The following PIK3CB variants were observed in gnomAD, a reference collection of about 807,000 sequenced individuals.
PIK3CB encodes the protein phosphatidylinositol-4,5-bisphosphate 3-kinase catalytic subunit beta, also known as phosphatidylinositol 4,5-bisphosphate 3-kinase catalytic subunit beta isoform.
Under a neutral mutation model 136.8 loss-of-function variants are expected in PIK3CB, and 39 were observed. That is an observed-to-expected ratio of 0.29 (90% CI 0.22 to 0.37). The LOEUF (loss-of-function observed/expected upper bound fraction) is 0.37, where lower values mean the gene tolerates loss of function less well. Ranked by LOEUF, PIK3CB falls within the 10% of genes least tolerant of loss-of-function variation. PIK3CB has a pLI of 1.00. For missense variants in PIK3CB, 868 were observed against 1,275.4 expected (o/e 0.68, Z 4.87); for synonymous variants, 428 against 436.6 (o/e 0.98, Z 0.25).
At chr3:138,801,885 TAAAG>T (rs1259498850) in intron 1 of PIK3CB, among the ~76,000 whole-genome samples, 1 of 111,230 alleles carries the variant, frequency 9.0e-6, no homozygotes, top group Non-Finnish European at 2.0e-5. Context: ...AAAAAAAAGA[TAAAG>T]AAAAAAATTA....
chr3:138,718,751 C>A (rs1399743744), intron 8 of PIK3CB, among the ~76,000 whole-genome samples: 8 of 152,300 alleles, frequency 5.3e-5, no homozygotes, highest in African/African-American at 1.9e-4. Context: ...CAGCTTCAAT[C>A]ATCTACATAC....
rs6439816 is a variant in PIK3CB, at chr3:138,711,226, A to G, written c.1399+982T>C. 3.2e-3 allele frequency among the ~76,000 whole-genome samples: 92 copies of G among 28,542 alleles called. No homozygotes were observed. The East Asian group carries it at 0.4, about 124-fold the overall frequency. The allele number at this position is 28,542 out of a possible 152,430, so 18.7% of individuals were successfully genotyped here. On this transcript the variant is annotated intron_variant, in intron 10 of 23. Transcript: ENST00000674063. The stretch of plus-strand genomic sequence containing the variant: ...AGGAGAATTTCTCAAAAAAAAAAAG[A>G]AAAAAAAAACCTACAAAAAATGCTG...
intron 1 of PIK3CB, among the ~76,000 whole-genome samples, chr3:138,832,567 C>T (rs1266977593): frequency 6.6e-6 from 1 of 151,922 alleles, no homozygotes; most frequent in African/African-American, 2.4e-5. Flanking sequence ...GTGGCTTCCT[C>T]CTGTAATCCC....
At chr3:138,703,496 T>C (rs2044297228) in intron 12 of PIK3CB, among the ~76,000 whole-genome samples, 1 of 150,802 alleles carries the variant, frequency 6.6e-6, no homozygotes. Flanking sequence ...CTCAACAAAG[T>C]CAAACTAGAA....
intron 18 of PIK3CB, 136 bp from the exon 19 acceptor site, chr3:138,682,181 A>C (rs2043796033): frequency 3.5e-6 from 2 of 570,714 alleles, no homozygotes; most frequent in Non-Finnish European, 6.2e-6. Context: ...TTTATAACAA[A>C]TATTACACTC....
At chr3:138,772,054 T>G (rs1194038586) in intron 2 of PIK3CB, among the ~76,000 whole-genome samples, 2 of 149,966 alleles carry the variant, frequency 1.3e-5, no homozygotes, top group African/African-American at 4.9e-5. Flanking sequence ...TATATAAAAA[T>G]GAAAAATTTA....
rs768388042 is a variant in PIK3CB, at chr3:138,653,579, C to G, written c.*1810G>C. 16 of 185,048 alleles carry G rather than the reference C, an allele frequency of 8.6e-5. No individual in the cohort carries two copies. Among genetic ancestry groups the G allele is most frequent in the Non-Finnish European group, 1.5e-4 (13 of 87,242 alleles). 11.5% of individuals were successfully genotyped at this position (185,048 alleles called of 1,614,324 possible). On this transcript the variant is annotated 3_prime_UTR_variant, in exon 24 of 24. Coordinates refer to ENST00000674063, the MANE Select transcript of PIK3CB (RefSeq NM_006219.3). Reference sequence around the variant, plus strand: ...TGGTGGGTGGCTACTAGACAAAGATCTCTGAACAAACCTGTCCTTCCATAG... The same window carrying G: ...TGGTGGGTGGCTACTAGACAAAGATGTCTGAACAAACCTGTCCTTCCATAG...
intron 21 of PIK3CB, among the ~76,000 whole-genome samples, chr3:138,659,769 A>G (rs374838020): frequency 6.6e-6 from 1 of 151,966 alleles, no homozygotes; most frequent in South Asian, 2.1e-4. Flanking sequence ...CCATTCTCAG[A>G]AAATTTTTGT....
At chr3:138,677,331 T>C (rs983196181) in intron 19 of PIK3CB, among the ~76,000 whole-genome samples, 1 of 152,126 alleles carries the variant, frequency 6.6e-6, no homozygotes, top group African/African-American at 2.4e-5. Context: ...AGTGCTGGGT[T>C]ACAGGCGTGA....
chr3:138,685,633 A>G lies in PIK3CB; in HGVS notation c.2137-830T>C, dbSNP rs1050104356. Among the ~76,000 whole-genome samples, 10 of 152,182 alleles carry G rather than the reference A, an allele frequency of 6.6e-5. No individual in the cohort carries two copies. In the East Asian group the frequency reaches 1.7e-3, roughly 26 times the overall value. On this transcript the variant is annotated intron_variant, in intron 16 of 23. Transcript: ENST00000674063. Reference sequence around the variant, plus strand: ...GTCATCACTCTTGTATGATATCTCAATATATTCTATTTCCATTAACAGCAT... The same window carrying G: ...GTCATCACTCTTGTATGATATCTCAGTATATTCTATTTCCATTAACAGCAT...
At chr3:138,777,554 A>G (rs777924945) in intron 2 of PIK3CB, among the ~76,000 whole-genome samples, 1 of 152,138 alleles carries the variant, frequency 6.6e-6, no homozygotes, top group Non-Finnish European at 1.5e-5. Flanking sequence ...ATGCCCAGAC[A>G]ACATGGGCCA....
chr3:138,681,868 T>G, intron 19 of PIK3CB, 99 bp downstream of exon 19: 1 of 679,222 alleles, frequency 1.5e-6, no homozygotes, highest in African/African-American at 1.9e-5. Context: ...GAACAACAAC[T>G]AAAAATAAGA....
At position 138,737,895 on chromosome 3, in the gene PIK3CB, G is replaced by A. The variant is rs1403029079; in HGVS notation, c.622-9C>T. 1 of 1,551,996 alleles carries A rather than the reference G, an allele frequency of 6.4e-7. No homozygotes were observed. Among genetic ancestry groups the A allele is most frequent in the South Asian group, 1.2e-5 (1 of 83,266 alleles). On this transcript the variant is annotated splice_polypyrimidine_tract_variant and intron_variant, in intron 5 of 23. Transcript: ENST00000674063. ...TGAAAGCTAAACACGTCCTGAAGGG[G>A]GAGGGAGATGGGGAAAAAAGCAGTA... is the stretch of plus-strand genomic sequence containing the variant.
chr3:138,745,444 C>G (rs1023113213), intron 4 of PIK3CB, among the ~76,000 whole-genome samples: 4 of 151,884 alleles, frequency 2.6e-5, no homozygotes, highest in Non-Finnish European at 5.9e-5. Context: ...ACCAGCCTGG[C>G]CAACATGGGG....
At chr3:138,724,964 T>C (rs2044806002) in intron 8 of PIK3CB, among the ~76,000 whole-genome samples, 3 of 151,776 alleles carry the variant, frequency 2.0e-5, no homozygotes, top group Admixed American at 1.3e-4. Flanking sequence ...ATTTATTCAG[T>C]GTTCCAGGCA....
At chr3:138,799,175 ACTTT>A (rs2046142397) in intron 1 of PIK3CB, among the ~76,000 whole-genome samples, 1 of 129,336 alleles carries the variant, frequency 7.7e-6, no homozygotes, top group Non-Finnish European at 1.6e-5. Context: ...TTCAAATCTT[ACTTT>A]TTTTTTTTTT....
intron 19 of PIK3CB, among the ~76,000 whole-genome samples, chr3:138,678,938 T>G (rs1482809536): frequency 6.6e-6 from 1 of 152,016 alleles, no homozygotes. Flanking sequence ...TGGTGACCCG[T>G]GCCTGTAATC....
Position 138,797,846 on chromosome 3 carries a change from C to T in PIK3CB, c.-121-1279G>A, listed in dbSNP as rs1001288902. ...GACATGTGCCTGTGATCCAGTTACTCAGAGGCCAAGGTGGAAAGATCACTT... is the reference window on the plus strand; with the variant it reads ...GACATGTGCCTGTGATCCAGTTACTTAGAGGCCAAGGTGGAAAGATCACTT... On this transcript the variant is annotated intron_variant, in intron 1 of 23. Transcript: ENST00000674063. Among the ~76,000 whole-genome samples the T allele has an allele frequency of 1.1e-4, 16 of 151,982 alleles. 1 individual carries two copies. Among genetic ancestry groups the T allele is most frequent in the South Asian group, 2.1e-4 (1 of 4,816 alleles).
intron 2 of PIK3CB, among the ~76,000 whole-genome samples, chr3:138,793,805 A>C (rs1222289646): frequency 6.6e-6 from 1 of 152,074 alleles, no homozygotes; most frequent in African/African-American, 2.4e-5. Flanking sequence ...GGATCGCTTA[A>C]GGCTAGGAGT....
Sources: allele counts gnomAD v4.1 joint callset (sites outside exome capture counted in the v4.1 genomes callset), GRCh38; gene constraint gnomAD v4.1.1; transcripts MANE v1.5; gene names NCBI Gene and HGNC (gene_info 2026-07-23, HGNC 2026-07-21).